EIF2B3: variants seen among roughly 807,000 people sequenced by gnomAD.
EIF2B3 encodes the protein translation initiation factor eIF2B subunit gamma.
Under a neutral mutation model 54.1 loss-of-function variants are expected in EIF2B3, and 20 were observed. That is an observed-to-expected ratio of 0.37 (90% CI 0.26 to 0.54). EIF2B3 has a LOEUF of 0.54. EIF2B3 is among the 20% of genes least tolerant of loss of function. The probability of loss-of-function intolerance (pLI) is 0.86; values close to 1 mark genes in which losing one functional copy is unlikely to be tolerated. For missense variants in EIF2B3, 448 were observed against 547.8 expected (o/e 0.82, Z 1.82); for synonymous variants, 153 against 188.1 (o/e 0.81, Z 1.52).
At chr1:44,863,386 A>C (rs567251825) in intron 10 of EIF2B3, among the ~76,000 whole-genome samples, 1 of 152,168 alleles carries the variant, frequency 6.6e-6, no homozygotes, top group East Asian at 1.9e-4. Context: ...GTTATTTTTT[A>C]TTATTTATAA....
At chr1:44,865,904 AT>A (rs1654764910) in intron 10 of EIF2B3, among the ~76,000 whole-genome samples, 2 of 151,828 alleles carry the variant, frequency 1.3e-5, no homozygotes, top group Admixed American at 1.3e-4. Context: ...TTATTTATTT[AT>A]TTTTTTCTCC....
At chr1:44,880,121 G>T in intron 7 of EIF2B3, 113 bp from the exon 8 acceptor site, 1 of 1,186,490 alleles carries the variant, frequency 8.4e-7, no homozygotes, top group Non-Finnish European at 1.2e-6. Context: ...TTGCTATGTT[G>T]CCTAGGCTGG....
chr1:44,923,241 GGA>G (rs1301956249), intron 5 of EIF2B3, among the ~76,000 whole-genome samples: 5 of 152,134 alleles, frequency 3.3e-5, no homozygotes, highest in Non-Finnish European at 7.3e-5. Flanking sequence ...GCTCTAGCTA[GGA>G]CTTCCAGTAC....
chr1:44,960,270 A>G (rs1467287091), intron 3 of EIF2B3, among the ~76,000 whole-genome samples: 5 of 152,182 alleles, frequency 3.3e-5, no homozygotes, highest in Non-Finnish European at 7.3e-5. Context: ...CCAACCATAT[A>G]TCAAAAATAT....
At chr1:44,889,118 A>G (rs1655705808) in intron 6 of EIF2B3, among the ~76,000 whole-genome samples, 1 of 152,142 alleles carries the variant, frequency 6.6e-6, no homozygotes, top group African/African-American at 2.4e-5. Flanking sequence ...CTTTCCCTCC[A>G]TGAACCATCT....
chr1:44,897,482 G>C, intron 5 of EIF2B3, 38 bp from the exon 6 acceptor site: 1 of 1,484,986 alleles, frequency 6.7e-7, no homozygotes, highest in South Asian at 1.2e-5. Flanking sequence ...GAAAGAAGAG[G>C]CTCACAATCA....
intron 11 of EIF2B3, among the ~76,000 whole-genome samples, chr1:44,855,570 T>C (rs1232798239): frequency 1.3e-5 from 2 of 152,010 alleles, no homozygotes; most frequent in African/African-American, 2.4e-5. Flanking sequence ...CTTTTTTTTT[T>C]TTTTGAGATG....
chr1:44,877,209 A>AAAAAAAAAAC (rs1655205843), intron 8 of EIF2B3, among the ~76,000 whole-genome samples: 1 of 147,818 alleles, frequency 6.8e-6, no homozygotes, highest in African/African-American at 2.5e-5. Flanking sequence ...AAAAAAAAAA[A>AAAAAAAAAAC]AAAAAAAAAA....
chr1:44,891,077 G>GA (rs112320808), intron 6 of EIF2B3, among the ~76,000 whole-genome samples: 21,119 of 151,516 alleles, frequency 0.14, 1,666 homozygotes, highest in Non-Finnish European at 0.17. Flanking sequence ...CGGTAGATGG[G>GA]AAAAAAAAGA....
At chr1:44,891,814 T>A (rs1332989349) in intron 6 of EIF2B3, among the ~76,000 whole-genome samples, 1 of 152,178 alleles carries the variant, frequency 6.6e-6, no homozygotes, top group Non-Finnish European at 1.5e-5. Flanking sequence ...TGAGGAGGTA[T>A]CATGTCTGAG....
At chr1:44,901,619 C>A (rs114744304) in intron 5 of EIF2B3, among the ~76,000 whole-genome samples, 1 of 141,148 alleles carries the variant, frequency 7.1e-6, no homozygotes, top group Non-Finnish European at 1.5e-5. Flanking sequence ...AGTGCTGTGG[C>A]GTGATCACAG....
At chr1:44,949,951 A>G (rs1644143530) in intron 3 of EIF2B3, among the ~76,000 whole-genome samples, 1 of 152,230 alleles carries the variant, frequency 6.6e-6, no homozygotes, top group Non-Finnish European at 1.5e-5. Flanking sequence ...AGTTCCCTAT[A>G]AAAATGCCTG....
chr1:44,894,149 T>C (rs1301103151), intron 6 of EIF2B3, among the ~76,000 whole-genome samples: 1 of 152,182 alleles, frequency 6.6e-6, no homozygotes, highest in Non-Finnish European at 1.5e-5. Flanking sequence ...AACACTCAGT[T>C]ATCAAGAGGA....
chr1:44,927,470 C>T (rs543445111), intron 4 of EIF2B3, among the ~76,000 whole-genome samples: 125 of 152,110 alleles, frequency 8.2e-4, no homozygotes, highest in African/African-American at 2.8e-3. Context: ...ATGAGGGATC[C>T]GCACCCATGA....
At chr1:44,966,575 A>C (rs969977137) in intron 3 of EIF2B3, among the ~76,000 whole-genome samples, 10 of 152,136 alleles carry the variant, frequency 6.6e-5, no homozygotes, top group African/African-American at 2.4e-4. Context: ...GCGATAAAGG[A>C]ACAGTGGAGG....
At chr1:44,905,898 C>T (rs867219948) in intron 5 of EIF2B3, among the ~76,000 whole-genome samples, 2 of 152,118 alleles carry the variant, frequency 1.3e-5, no homozygotes, top group Admixed American at 1.3e-4. Flanking sequence ...CAAAGCCTTC[C>T]TAGGCAGAAT....
At chr1:44,942,581 C>T (rs1644047865) in intron 3 of EIF2B3, among the ~76,000 whole-genome samples, 1 of 149,056 alleles carries the variant, frequency 6.7e-6, no homozygotes, top group Admixed American at 6.7e-5. Flanking sequence ...GTATGTACCA[C>T]CACACTTGGC....
At position 44,850,685 on chromosome 1, in the gene EIF2B3, G is replaced by C; in HGVS notation, c.*266C>G. On this transcript the variant is annotated 3_prime_UTR_variant, in exon 12 of 12. Transcript: ENST00000360403. ...TACATTGGACAGCTGCTGCCCCACC[G>C]ATACATCTTGGCACACAAGAGTTAG... The C allele has an allele frequency of 1.9e-6, 1 of 532,088 alleles. No individual in the cohort carries two copies. Among genetic ancestry groups the C allele is most frequent in the South Asian group, 2.3e-5 (1 of 43,122 alleles). 33.0% of individuals were successfully genotyped at this position (532,088 alleles called of 1,614,324 possible).
At chr1:44,949,174 G>A (rs1045231874) in intron 3 of EIF2B3, among the ~76,000 whole-genome samples, 4 of 152,110 alleles carry the variant, frequency 2.6e-5, no homozygotes, top group African/African-American at 7.2e-5. Flanking sequence ...CTGGCCGCCA[G>A]TGTTAATTTG....
Sources: allele counts gnomAD v4.1 joint callset (sites outside exome capture counted in the v4.1 genomes callset), GRCh38; gene constraint gnomAD v4.1.1; transcripts MANE v1.5; gene names NCBI Gene and HGNC (gene_info 2026-07-23, HGNC 2026-07-21).